The following KCNMA1 variants were observed in gnomAD, a reference collection of about 807,000 sequenced individuals.
KCNMA1 encodes the protein potassium calcium-activated channel subfamily M alpha 1.
KCNMA1 carries 29 observed loss-of-function variants against 140.0 expected under a neutral mutation model. The ratio of observed to expected loss-of-function variants is 0.21; its 90% CI spans 0.15 to 0.28. The LOEUF (loss-of-function observed/expected upper bound fraction) is 0.28, where lower values mean the gene tolerates loss of function less well. Among genes scored for constraint, KCNMA1 ranks in the 10% least tolerant of loss-of-function variants. The pLI, the probability that KCNMA1 is intolerant of heterozygous loss-of-function variation, is 1.00. For missense variants in KCNMA1, 880 were observed against 1,602.2 expected, an observed-to-expected ratio of 0.55 and a Z score of 7.70; for synonymous variants, 612 against 611.9, an observed-to-expected ratio of 1.00 and a Z score of 0.00.
intron 3 of KCNMA1, among the ~76,000 whole-genome samples, chr10:77,237,093 A>G (rs951707041): frequency 1.3e-5 from 2 of 152,142 alleles, no homozygotes; most frequent in Non-Finnish European, 2.9e-5. Flanking sequence ...TCTTAACTTC[A>G]CTGTGTTTAT....
intron 19 of KCNMA1, among the ~76,000 whole-genome samples, chr10:76,989,584 T>C (rs2082196562): frequency 6.6e-6 from 1 of 152,214 alleles, no homozygotes; most frequent in South Asian, 2.1e-4. Flanking sequence ...ATAGTCAAGA[T>C]GGAAATCAAT....
intron 3 of KCNMA1, among the ~76,000 whole-genome samples, chr10:77,192,492 T>C (rs1223209294): frequency 1.3e-5 from 2 of 152,136 alleles, no homozygotes; most frequent in Admixed American, 1.3e-4. Context: ...TAGAATTCAA[T>C]GGAAGAGCTA....
chr10:77,574,300 C>A (rs571034927), intron 1 of KCNMA1, among the ~76,000 whole-genome samples: 189 of 151,912 alleles, frequency 1.2e-3, no homozygotes, highest in African/African-American at 4.4e-3. Flanking sequence ...AATGTATCCA[C>A]ATGTATATAT....
intron 2 of KCNMA1, among the ~76,000 whole-genome samples, chr10:77,275,685 C>T (rs2154288915): frequency 6.6e-6 from 1 of 152,328 alleles, no homozygotes; most frequent in East Asian, 1.9e-4. Flanking sequence ...CCCCACAAAA[C>T]ACATGCACAT....
At chr10:77,013,257 G>C (rs2091260729) in intron 17 of KCNMA1, among the ~76,000 whole-genome samples, 1 of 152,096 alleles carries the variant, frequency 6.6e-6, no homozygotes, top group Admixed American at 6.6e-5. Context: ...AAATCTCTGG[G>C]ACTCAGTGTC....
chr10:76,990,692 T>C (rs2082485925), intron 19 of KCNMA1, among the ~76,000 whole-genome samples: 1 of 152,200 alleles, frequency 6.6e-6, no homozygotes, highest in Non-Finnish European at 1.5e-5. Flanking sequence ...AACATCTGTT[T>C]AGGGCTTTGG....
At chr10:77,632,467 C>T (rs187949585) in intron 1 of KCNMA1, among the ~76,000 whole-genome samples, 2 of 152,310 alleles carry the variant, frequency 1.3e-5, no homozygotes, top group East Asian at 3.9e-4. Flanking sequence ...AGCCCAGCAG[C>T]TCCTGGTCCC....
At chr10:77,008,192 C>A in intron 18 of KCNMA1, 1 of 1,535,126 alleles carries the variant, frequency 6.5e-7, no homozygotes, top group Non-Finnish European at 8.7e-7. Context: ...CACAATATAT[C>A]ACTACCAGTG....
At chr10:77,418,311 T>C (rs2096787856) in intron 1 of KCNMA1, among the ~76,000 whole-genome samples, 1 of 152,156 alleles carries the variant, frequency 6.6e-6, no homozygotes, top group African/African-American at 2.4e-5. Flanking sequence ...CTTCTCTCCA[T>C]GGCCTGGGAC....
intron 2 of KCNMA1, among the ~76,000 whole-genome samples, chr10:77,359,607 A>G (rs756769509): frequency 6.6e-6 from 1 of 152,198 alleles, no homozygotes; most frequent in Non-Finnish European, 1.5e-5. Flanking sequence ...CGCCAGGGAC[A>G]AGTATAAGGG....
At chr10:77,044,715 C>G (rs1315281988) in intron 14 of KCNMA1, among the ~76,000 whole-genome samples, 1 of 152,088 alleles carries the variant, frequency 6.6e-6, no homozygotes, top group Admixed American at 6.6e-5. Context: ...AAATCTGGAC[C>G]AGGTAAAGGG....
At position 77,277,107 on chromosome 10, in the gene KCNMA1, T is replaced by G. The variant is rs189481815; in HGVS notation, c.541-25851A>C. On this transcript the variant is annotated intron_variant, in intron 2 of 27. Coordinates refer to ENST00000286628, the MANE Select transcript of KCNMA1 (RefSeq NM_001161352.2). ...TCTGCCCTGAGATGTGCTCAGCAAG[T>G]GGTCGTTGCCTTAAGAGAGCTTTGC... 9.2e-5 allele frequency among the ~76,000 whole-genome samples: 14 copies of G among 152,264 alleles called. No individual in the cohort carries two copies. In the East Asian group the frequency reaches 2.7e-3, roughly 29 times the overall value.
At chr10:77,293,376 C>A (rs1171657617) in intron 2 of KCNMA1, among the ~76,000 whole-genome samples, 1 of 152,092 alleles carries the variant, frequency 6.6e-6, no homozygotes, top group Non-Finnish European at 1.5e-5. Flanking sequence ...ACCATAGCTC[C>A]TAAAGCATGG....
chr10:76,977,102 C>T (rs2077830736), intron 19 of KCNMA1, among the ~76,000 whole-genome samples: 1 of 152,170 alleles, frequency 6.6e-6, no homozygotes, highest in African/African-American at 2.4e-5. Context: ...ACACCAAAAG[C>T]CAACTTTCGG....
chr10:77,033,139 G>A (rs572238809), intron 15 of KCNMA1, among the ~76,000 whole-genome samples: 8 of 152,190 alleles, frequency 5.3e-5, no homozygotes, highest in East Asian at 1.9e-4. Flanking sequence ...AAGTAGATAC[G>A]GATACAAACA....
chr10:77,289,551 C>A (rs1396746192), intron 2 of KCNMA1, among the ~76,000 whole-genome samples: 1 of 152,198 alleles, frequency 6.6e-6, no homozygotes, highest in Non-Finnish European at 1.5e-5. Flanking sequence ...CCCTGCCAAG[C>A]TTGTACAAGA....
chr10:77,124,951 A>C (rs1451867527), intron 5 of KCNMA1, among the ~76,000 whole-genome samples: 1 of 152,162 alleles, frequency 6.6e-6, no homozygotes, highest in East Asian at 1.9e-4. Flanking sequence ...AAGGGGAAGC[A>C]AACACATCCT....
chr10:77,165,847 G>A (rs1310300651), intron 5 of KCNMA1, among the ~76,000 whole-genome samples: 4 of 152,212 alleles, frequency 2.6e-5, no homozygotes, highest in Non-Finnish European at 4.4e-5. Context: ...TTTCGGCAGA[G>A]GTTAACTAAA....
intron 18 of KCNMA1, among the ~76,000 whole-genome samples, chr10:77,006,362 T>C (rs1593379741): frequency 6.6e-6 from 1 of 152,258 alleles, no homozygotes. Context: ...ATCAGTCAAA[T>C]GAAGGAGGGA....
Sources: gnomAD v4.1 joint callset for allele counts (sites outside exome capture counted in the v4.1 genomes callset) on GRCh38, gnomAD v4.1.1 for gene constraint, MANE v1.5 for transcripts, NCBI Gene and HGNC (gene_info 2026-07-23, HGNC 2026-07-21) for gene names.